ARHGAP24: variants seen among roughly 807,000 people sequenced by gnomAD.
ARHGAP24 encodes Rho GTPase activating protein 24.
In ARHGAP24, 50 loss-of-function variants were observed where a neutral mutation model predicts 76.4. The ratio of observed to expected loss-of-function variants is 0.65; its 90% CI spans 0.52 to 0.83. ARHGAP24 has a LOEUF of 0.83. Ranked by LOEUF, ARHGAP24 falls within the 40% of genes least tolerant of loss-of-function variation. ARHGAP24 has a pLI of 0.00. For synonymous variants in ARHGAP24, 345 were observed against 323.3 expected, an observed-to-expected ratio of 1.07 and a Z score of -0.72; for missense variants, 930 against 914.2, an observed-to-expected ratio of 1.02 and a Z score of -0.22.
intron 2 of ARHGAP24, among the ~76,000 whole-genome samples, chr4:85,662,721 C>G (rs1241334047): frequency 6.6e-6 from 1 of 152,130 alleles, no homozygotes; most frequent in Non-Finnish European, 1.5e-5. Flanking sequence ...GATCCAGTTT[C>G]AGCTTTCTAC....
intron 3 of ARHGAP24, among the ~76,000 whole-genome samples, chr4:85,833,494 A>C (rs1048971864): frequency 2.6e-5 from 4 of 151,678 alleles, no homozygotes; most frequent in African/African-American, 7.3e-5. Flanking sequence ...GAAAAAAAAA[A>C]CAACAACAAC....
In ARHGAP24 at chr4:85,830,708, T is replaced by A. The variant is rs79737993; in HGVS notation, c.269-92940T>A. On this transcript the variant is annotated intron_variant, in intron 3 of 9. Coordinates refer to ENST00000395184, the MANE Select transcript of ARHGAP24 (RefSeq NM_001025616.3). The stretch of plus-strand genomic sequence containing the variant: ...ACTTCTAGATTCCTTAAATTAGGCC[T>A]CGGTTTTTTGGAGAGAAGAAACCTG... Among the ~76,000 whole-genome samples, 762 of 152,340 alleles carry A rather than the reference T, an allele frequency of 5.0e-3. 5 individuals carry two copies. Among genetic ancestry groups the A allele is most frequent in the African/African-American group, 0.017 (723 of 41,576 alleles).
chr4:85,959,554 A>G (rs1021217761), intron 5 of ARHGAP24, among the ~76,000 whole-genome samples: 7 of 152,162 alleles, frequency 4.6e-5, no homozygotes, highest in Non-Finnish European at 1.0e-4. Context: ...TTTATTGAAG[A>G]GTTGAATTTC....
chr4:85,494,196 C>T (rs1054702556), intron 1 of ARHGAP24, among the ~76,000 whole-genome samples: 4 of 152,010 alleles, frequency 2.6e-5, no homozygotes, highest in African/African-American at 7.3e-5. Flanking sequence ...ATATGCAGAA[C>T]GTGCAGCTTT....
chr4:85,536,810 G>A (rs570522685), intron 1 of ARHGAP24, among the ~76,000 whole-genome samples: 22 of 152,244 alleles, frequency 1.4e-4, no homozygotes, highest in African/African-American at 5.1e-4. Context: ...GGTAAGTTAG[G>A]TGATTTGAAG....
At chr4:85,869,684 C>A (rs1471525770) in intron 3 of ARHGAP24, among the ~76,000 whole-genome samples, 1 of 152,080 alleles carries the variant, frequency 6.6e-6, no homozygotes, top group African/African-American at 2.4e-5. Flanking sequence ...TTTCCTGAAT[C>A]ATTTTGTTTT....
intron 3 of ARHGAP24, among the ~76,000 whole-genome samples, chr4:85,804,698 G>A (rs764303229): frequency 1.3e-5 from 2 of 152,158 alleles, no homozygotes; most frequent in Non-Finnish European, 2.9e-5. Flanking sequence ...TGTTGGATTT[G>A]TACAGGGCTT....
intron 3 of ARHGAP24, among the ~76,000 whole-genome samples, chr4:85,730,105 TG>T (rs2110051088): frequency 6.6e-6 from 1 of 152,336 alleles, no homozygotes; most frequent in East Asian, 1.9e-4. Flanking sequence ...ATAATATCTA[TG>T]CTTTAAATCA....
chr4:85,874,607 A>G (rs1263660527), intron 3 of ARHGAP24, among the ~76,000 whole-genome samples: 3 of 151,652 alleles, frequency 2.0e-5, no homozygotes, highest in Admixed American at 1.3e-4. Flanking sequence ...AATAACTTCT[A>G]TATCATACTG....
At chr4:85,896,628 T>C (rs957975106) in intron 3 of ARHGAP24, among the ~76,000 whole-genome samples, 4 of 152,204 alleles carry the variant, frequency 2.6e-5, no homozygotes, top group African/African-American at 9.6e-5. Context: ...GCTAAATCTA[T>C]ATCCAAGACA....
intron 3 of ARHGAP24, among the ~76,000 whole-genome samples, chr4:85,827,442 A>G (rs1005810406): frequency 6.8e-6 from 1 of 145,992 alleles, no homozygotes; most frequent in Non-Finnish European, 1.5e-5. Context: ...CAATTAGAAT[A>G]GCTACACTGA....
intron 2 of ARHGAP24, among the ~76,000 whole-genome samples, chr4:85,709,415 A>T (rs1724439384): frequency 6.6e-6 from 1 of 152,176 alleles, no homozygotes; most frequent in South Asian, 2.1e-4. Flanking sequence ...CCCATTCCTG[A>T]TATTAAAATG....
intron 3 of ARHGAP24, among the ~76,000 whole-genome samples, chr4:85,746,239 G>T (rs1224628891): frequency 1.3e-5 from 2 of 152,204 alleles, no homozygotes; most frequent in Non-Finnish European, 2.9e-5. Flanking sequence ...GAATGGATAG[G>T]CAGGGCTGGG....
At chr4:85,816,026 C>G (rs1729221380) in intron 3 of ARHGAP24, among the ~76,000 whole-genome samples, 1 of 152,140 alleles carries the variant, frequency 6.6e-6, no homozygotes, top group African/African-American at 2.4e-5. Context: ...GACTTATTCA[C>G]TACCACGAGA....
intron 3 of ARHGAP24, among the ~76,000 whole-genome samples, chr4:85,800,739 A>G (rs1243621145): frequency 6.6e-6 from 1 of 152,236 alleles, no homozygotes; most frequent in Non-Finnish European, 1.5e-5. Flanking sequence ...CATTGAAACA[A>G]TGCTTATAAC....
chr4:85,930,088 C>T (rs969756457), intron 4 of ARHGAP24, among the ~76,000 whole-genome samples: 25 of 152,224 alleles, frequency 1.6e-4, no homozygotes, highest in Non-Finnish European at 3.4e-4. Flanking sequence ...CTGGAAGCAG[C>T]CGCAGCCACA....
intron 3 of ARHGAP24, among the ~76,000 whole-genome samples, chr4:85,824,860 T>C (rs1729638628): frequency 6.6e-6 from 1 of 152,258 alleles, no homozygotes; most frequent in Non-Finnish European, 1.5e-5. Flanking sequence ...GAAGCCAAGA[T>C]GGTTGGATCA....
intron 3 of ARHGAP24, among the ~76,000 whole-genome samples, chr4:85,922,152 A>G (rs968819145): frequency 1.3e-5 from 2 of 152,164 alleles, no homozygotes; most frequent in African/African-American, 4.8e-5. Context: ...CTCTGTTCCC[A>G]TTTAGTTGTA....
intron 2 of ARHGAP24, among the ~76,000 whole-genome samples, chr4:85,654,416 G>C (rs75561728): frequency 0.011 from 1,599 of 152,158 alleles, 12 homozygotes; most frequent in Non-Finnish European, 0.016. Context: ...TGAATTTTGG[G>C]GGCAAACTTT....
Sources: gnomAD v4.1 joint callset for allele counts (sites outside exome capture counted in the v4.1 genomes callset) on GRCh38, gnomAD v4.1.1 for gene constraint, MANE v1.5 for transcripts, NCBI Gene and HGNC (gene_info 2026-07-23, HGNC 2026-07-21) for gene names.